MYF5: variants seen among roughly 807,000 people sequenced by gnomAD.
MYF5 encodes the protein myogenic factor 5.
In MYF5, 20 loss-of-function variants were observed where a neutral mutation model predicts 22.3. The observed-to-expected ratio is 0.90, with a 90% CI of 0.63 to 1.30. The LOEUF is 1.30. Ranked by LOEUF, MYF5 falls within the 50% of genes most tolerant of loss-of-function variation. The pLI is 0.00. For missense variants in MYF5, 348 were observed against 325.9 expected (o/e 1.07, Z -0.52); for synonymous variants, 141 against 128.4 (o/e 1.10, Z -0.66).
rs1444442302 is a variant in MYF5, at chr12:80,717,581, G to C, written c.501+17G>C. On this transcript the variant is annotated intron_variant, in intron 1 of 2. Coordinates refer to ENST00000228644, the MANE Select transcript of MYF5 (RefSeq NM_005593.3). ...GATGGCATGGTAAGCAATAGATCTG[G>C]TACCTGCTAGGCTACCCTAATCTTT... 2 of 1,609,560 alleles carry C rather than the reference G, an allele frequency of 1.2e-6. No homozygotes were observed. Among genetic ancestry groups the C allele is most frequent in the Non-Finnish European group, 1.7e-6 (2 of 1,176,906 alleles).
intron 2 of MYF5, 62 bp from the exon 3 acceptor site, chr12:80,718,799 A>G: frequency 2.1e-6 from 3 of 1,400,104 alleles, no homozygotes; most frequent in Non-Finnish European, 3.0e-6. Flanking sequence ...AAGGAGCAAC[A>G]TAAGCAAATC....
In MYF5 at chr12:80,718,992, G is replaced by T; in HGVS notation, c.709G>T (p.Asp237Tyr). 6 of 1,614,012 alleles carry T rather than the reference G, an allele frequency of 3.7e-6. No homozygotes were observed. The highest frequency in any genetic ancestry group is 5.1e-6 in the Non-Finnish European group (6 of 1,180,018). ...LASLSPVAST[D>Y]SQPATPGASS... Reference sequence around the variant, plus strand: ...TTCTCTCTCTCCAGTTGCCAGCACCGATTCACAGCCTGCAACTCCAGGGGC... The same window carrying T: ...TTCTCTCTCTCCAGTTGCCAGCACCTATTCACAGCCTGCAACTCCAGGGGC... Residue 237 changes from aspartate (D) to tyrosine (Y), a missense_variant, in exon 3 of 3, where the codon GAT (aspartate) becomes TAT (tyrosine). Asp to Tyr is a radical substitution (Grantham distance 160). Coordinates refer to ENST00000228644, the MANE Select transcript of MYF5 (RefSeq NM_005593.3).
chr12:80,716,996 G>A lies in MYF5; in HGVS notation c.-68G>A. On this transcript the variant is annotated 5_prime_UTR_variant, in exon 1 of 3. Transcript: ENST00000228644. The stretch of plus-strand genomic sequence containing the variant: ...GCCCGGGATTTGCCCATCGGCGGAG[G>A]CGCCAGGCTCCCGTTTCTCCCCATC... The A allele has an allele frequency of 6.5e-7, 1 of 1,530,560 alleles. No individual in the cohort carries two copies. Among genetic ancestry groups the A allele is most frequent in the Non-Finnish European group, 8.8e-7 (1 of 1,141,744 alleles). The allele number at this position is 1,530,560 out of a possible 1,614,324, so 94.8% of individuals were successfully genotyped here. A position where few individuals can be genotyped will look rare whatever the true frequency, so the allele number is the denominator to read the frequency against.
Position 80,717,010 on chromosome 12 carries a change from T to G in MYF5, c.-54T>G, listed in dbSNP as rs1436073675. The G allele has an allele frequency of 6.5e-7, 1 of 1,545,160 alleles. No homozygotes were observed. The highest frequency in any genetic ancestry group is 1.4e-5 in the African/African-American group (1 of 73,696). On this transcript the variant is annotated 5_prime_UTR_variant, in exon 1 of 3. Coordinates refer to ENST00000228644, the MANE Select transcript of MYF5 (RefSeq NM_005593.3). ...CATCGGCGGAGGCGCCAGGCTCCCG[T>G]TTCTCCCCATCCCTCTCGCTGCCGT...
Position 80,717,384 on chromosome 12 carries a change from G to C in MYF5, c.321G>C (p.Lys107Asn), listed in dbSNP as rs138763221. Residue 107 changes from lysine to asparagine, a missense_variant, in exon 1 of 3, where the codon AAG becomes AAC. Transcript: ENST00000228644. Reference protein sequence around the residue: ...KKVNQAFETLKRCTTTNPNQR... With the variant: ...KKVNQAFETLNRCTTTNPNQR... ...TCAACCAGGCTTTCGAAACCCTCAA[G>C]AGGTGTACCACGACCAACCCCAACC... 2 of 1,614,204 alleles carry C rather than the reference G, an allele frequency of 1.2e-6. No homozygotes were observed. Among genetic ancestry groups the C allele is most frequent in the Middle Eastern group, 1.6e-4 (1 of 6,062 alleles).
In MYF5 at chr12:80,717,249, C is replaced by T. The variant is rs368876129; in HGVS notation, c.186C>T (p.His62=). ...ACGTGCGAGCGCCTACCGGCCACCA[C>T]CAGGCTGGTCACTGCCTCATGTGGG... ...DEHVRAPTGH[H]QAGHCLMWAC... is the part of the protein sequence containing the mutation. The change falls in exon 1 of 3, where the codon CAC becomes CAT. Residue 62 remains histidine (H), a synonymous_variant. Coordinates refer to ENST00000228644, the MANE Select transcript of MYF5 (RefSeq NM_005593.3). 3.1e-6 allele frequency: 5 copies of T among 1,614,128 alleles called. No homozygotes were observed. Among genetic ancestry groups the T allele is most frequent in the Non-Finnish European group, 3.4e-6 (4 of 1,180,034 alleles).
chr12:80,718,628 T>C (rs1309053225), intron 2 of MYF5, among the ~76,000 whole-genome samples, 195 bp downstream of exon 2: 3 of 152,124 alleles, frequency 2.0e-5, no homozygotes, highest in Non-Finnish European at 1.5e-5. Flanking sequence ...CACACATGCA[T>C]ACACACATGC....
rs765302685 is a variant in MYF5, at chr12:80,718,341, T to C, written c.502-17T>C. 1.2e-6 allele frequency: 2 copies of C among 1,611,528 alleles called. No individual in the cohort carries two copies. Among genetic ancestry groups the C allele is most frequent in the South Asian group, 1.1e-5 (1 of 91,016 alleles). ...CAAGACCTGAAAACAAACTTTGTTG[T>C]GTGTCTTGTATTATAGCCCGAATGT... is the stretch of plus-strand genomic sequence containing the variant. On this transcript the variant is annotated splice_polypyrimidine_tract_variant and intron_variant, in intron 1 of 2. Transcript: ENST00000228644.
At chr12:80,718,580 A>T (rs1187075889) in intron 2 of MYF5, 147 bp downstream of exon 2, 1 of 752,876 alleles carries the variant, frequency 1.3e-6, no homozygotes, top group African/African-American at 1.7e-5. Context: ...CAAAATAAAC[A>T]CATCTTCTGC....
intron 2 of MYF5, 61 bp downstream of exon 2, chr12:80,718,494 A>C: frequency 7.3e-7 from 1 of 1,375,706 alleles, no homozygotes. Flanking sequence ...TTCAGCCTAT[A>C]AGATTCTGTT....
At position 80,718,762 on chromosome 12, in the gene MYF5, G is replaced by A. The variant is rs180777844; in HGVS notation, c.578-99G>A. The A allele has an allele frequency of 2.1e-3, 2,106 of 1,005,378 alleles. 29 individuals carry two copies. The highest frequency in any genetic ancestry group is 9.6e-4 in the Non-Finnish European group (652 of 678,020). 62.3% of individuals were successfully genotyped at this position (1,005,378 alleles called of 1,614,324 possible). On this transcript the variant is annotated intron_variant, in intron 2 of 2. Transcript: ENST00000228644. Reference sequence around the variant, plus strand: ...GCTTTCTGTGACCACCTGACCTCTGGGTGTCAGAGGAGCTGACCTACAATT... The same window carrying A: ...GCTTTCTGTGACCACCTGACCTCTGAGTGTCAGAGGAGCTGACCTACAATT...
rs1269683532 is a variant in MYF5 at position 80,717,448 on chromosome 12, C to A, written c.385C>A (p.Arg129Ser). ...GGTGGAGATCCTCAGGAATGCCATC[C>A]GCTACATCGAGAGCCTGCAGGAGTT... ...PKVEILRNAI[R>S]YIESLQELLR... The change falls in exon 1 of 3, where the codon CGC (arginine) becomes AGC (serine). Residue 129 changes from arginine (R) to serine (S), a missense_variant. By Grantham distance (110) the Arg-to-Ser change is moderately radical. Transcript: ENST00000228644. The A allele has an allele frequency of 7.1e-5, 115 of 1,614,014 alleles. No individual in the cohort carries two copies. Among genetic ancestry groups the A allele is most frequent in the Non-Finnish European group, 9.6e-5 (113 of 1,180,032 alleles).
Position 80,717,521 on chromosome 12 carries a change from G to T in MYF5, c.458G>T (p.Cys153Phe). ...TACTATAGCCTGCCGGGACAGAGCTGCTCGGAGCCCACCAGCCCCACCTCC... is the reference window on the plus strand; with the variant it reads ...TACTATAGCCTGCCGGGACAGAGCTTCTCGGAGCCCACCAGCCCCACCTCC... ...ENYYSLPGQSCSEPTSPTSNC... is the reference protein window; with the variant it reads ...ENYYSLPGQSFSEPTSPTSNC... The change falls in exon 1 of 3, where the codon TGC becomes TTC. Residue 153 changes from cysteine (C) to phenylalanine (F), a missense_variant. Coordinates refer to ENST00000228644, the MANE Select transcript of MYF5 (RefSeq NM_005593.3). 1 of 1,614,096 alleles carries T rather than the reference G, an allele frequency of 6.2e-7. No individual in the cohort carries two copies.
chr12:80,718,322 C>T (rs200226755), intron 1 of MYF5, 36 bp from the exon 2 acceptor site: 1 of 1,592,550 alleles, frequency 6.3e-7, no homozygotes, highest in Non-Finnish European at 8.6e-7. Context: ...TTGCCAAGAC[C>T]TGAAAACAAA....
chr12:80,717,482 A>T lies in MYF5; in HGVS notation c.419A>T (p.Glu140Val), dbSNP rs377325364. The T allele has an allele frequency of 6.2e-7, 1 of 1,614,130 alleles. No individual in the cohort carries two copies. The highest frequency in any genetic ancestry group is 8.5e-7 in the Non-Finnish European group (1 of 1,180,024). ...GAGAGCCTGCAGGAGTTGCTGAGAG[A>T]GCAGGTGGAGAACTACTATAGCCTG... ...YIESLQELLREQVENYYSLPG... is the reference protein window; with the variant it reads ...YIESLQELLRVQVENYYSLPG... Residue 140 changes from glutamate (E) to valine (V), a missense_variant, in exon 1 of 3, where the codon GAG becomes GTG. Glu to Val is a moderately radical substitution (Grantham distance 121). Coordinates refer to ENST00000228644, the MANE Select transcript of MYF5 (RefSeq NM_005593.3).
Position 80,719,069 on chromosome 12 carries a change from T to C in MYF5, c.*18T>C. ...TGCTATGAACTAATTTTCTGGTCTATATGACTTCTTCCAGGAGGGCCTAAT... is the reference window on the plus strand; with the variant it reads ...TGCTATGAACTAATTTTCTGGTCTACATGACTTCTTCCAGGAGGGCCTAAT... On this transcript the variant is annotated 3_prime_UTR_variant, in exon 3 of 3. Coordinates refer to ENST00000228644, the MANE Select transcript of MYF5 (RefSeq NM_005593.3). The C allele has an allele frequency of 6.2e-7, 1 of 1,608,542 alleles. No homozygotes were observed. The highest frequency in any genetic ancestry group is 1.7e-5 in the Admixed American group (1 of 59,548).
Position 80,717,459 on chromosome 12 carries a change from G to A in MYF5, c.396G>A (p.Glu132=). ...EILRNAIRYI[E]SLQELLREQV... The stretch of plus-strand genomic sequence containing the variant: ...TCAGGAATGCCATCCGCTACATCGA[G>A]AGCCTGCAGGAGTTGCTGAGAGAGC... Residue 132 remains glutamate, a synonymous_variant, in exon 1 of 3, where the codon GAG becomes GAA. Transcript: ENST00000228644. 4 of 1,614,178 alleles carry A rather than the reference G, an allele frequency of 2.5e-6. No homozygotes were observed. The highest frequency in any genetic ancestry group is 3.4e-6 in the Non-Finnish European group (4 of 1,180,040).
chr12:80,719,152 T>A lies in MYF5; in HGVS notation c.*101T>A, dbSNP rs1868686423. ...AACCAAGACAACATGTACATAAAGA[T>A]TTCTTTTCAGTTGTAAATTTGTAAA... On this transcript the variant is annotated 3_prime_UTR_variant, in exon 3 of 3. Coordinates refer to ENST00000228644, the MANE Select transcript of MYF5 (RefSeq NM_005593.3). 2 of 975,562 alleles carry A rather than the reference T, an allele frequency of 2.1e-6. No homozygotes were observed. The highest frequency in any genetic ancestry group is 2.9e-6 in the Non-Finnish European group (2 of 685,310). 60.4% of individuals were successfully genotyped at this position (975,562 alleles called of 1,614,324 possible).
chr12:80,718,144 T>C (rs1868653265), intron 1 of MYF5, among the ~76,000 whole-genome samples: 1 of 152,182 alleles, frequency 6.6e-6, no homozygotes, highest in Admixed American at 6.5e-5. Flanking sequence ...CCACCCCCTC[T>C]TCCCTTTGCT....
Sources: allele counts gnomAD v4.1 joint callset (sites outside exome capture counted in the v4.1 genomes callset), GRCh38; gene constraint gnomAD v4.1.1; transcripts MANE v1.5; gene names NCBI Gene and HGNC (gene_info 2026-07-23, HGNC 2026-07-21).